The following ECHDC1 variants were observed in gnomAD, a reference collection of about 807,000 sequenced individuals.
ECHDC1 encodes the protein ethylmalonyl-CoA decarboxylase.
A neutral mutation model predicts 29.7 loss-of-function variants in ECHDC1; 29 were observed. The ratio of observed to expected loss-of-function variants is 0.98; its 90% CI spans 0.73 to 1.33. The LOEUF is 1.33. ECHDC1 is among the 40% of genes most tolerant of loss of function. ECHDC1 has a pLI of 0.00. For missense variants in ECHDC1, 328 were observed against 350.0 expected (o/e 0.94, Z 0.50); for synonymous variants, 126 against 123.1 (o/e 1.02, Z -0.15).
At position 127,334,384 on chromosome 6, in the gene ECHDC1, T is replaced by A. The variant is rs115010257; in HGVS notation, c.-2-3354A>T. Among the ~76,000 whole-genome samples, 1,397 of 152,244 alleles carry A rather than the reference T, an allele frequency of 9.2e-3. 14 individuals are homozygous for A. The highest frequency in any genetic ancestry group is 0.03 in the African/African-American group (1,256 of 41,538). On this transcript the variant is annotated intron_variant, in intron 1 of 5. Transcript: ENST00000454859. ...GTATGCAATGGCCCTCCAAAATGGTTACTTCCTTCTGATCTTTCCCTCTCC... is the reference window on the plus strand; with the variant it reads ...GTATGCAATGGCCCTCCAAAATGGTAACTTCCTTCTGATCTTTCCCTCTCC...
chr6:127,316,139 T>G, intron 4 of ECHDC1: 2 of 475,566 alleles, frequency 4.2e-6, no homozygotes, highest in Admixed American at 4.8e-5. Context: ...GTCTTTATTA[T>G]TCTGCTCTAA....
intron 5 of ECHDC1, among the ~76,000 whole-genome samples, chr6:127,290,967 G>A (rs953070427): frequency 9.9e-5 from 15 of 152,090 alleles, no homozygotes; most frequent in African/African-American, 3.6e-4. Context: ...TATTTGAGCA[G>A]CCACCTGAGG....
At chr6:127,337,501 A>C (rs1391887936) in intron 1 of ECHDC1, among the ~76,000 whole-genome samples, 2 of 152,206 alleles carry the variant, frequency 1.3e-5, no homozygotes, top group Non-Finnish European at 2.9e-5. Flanking sequence ...CCCCGCTTTA[A>C]GTTGTCCCTC....
chr6:127,314,981 G>T (rs2114617626), intron 4 of ECHDC1, 85 bp from the exon 5 acceptor site: 1 of 1,303,168 alleles, frequency 7.7e-7, no homozygotes, highest in East Asian at 2.5e-5. Context: ...ATCTTAAAAT[G>T]CAGTGGAAAC....
At chr6:127,306,205 T>C (rs1202776318) in intron 5 of ECHDC1, among the ~76,000 whole-genome samples, 13 of 152,106 alleles carry the variant, frequency 8.5e-5, no homozygotes, top group Admixed American at 8.5e-4. Flanking sequence ...TAAGAAGAGA[T>C]GAAGAAAGTC....
intron 5 of ECHDC1, among the ~76,000 whole-genome samples, chr6:127,310,128 T>C (rs1198384650): frequency 6.6e-6 from 1 of 152,030 alleles, no homozygotes; most frequent in East Asian, 1.9e-4. Context: ...GGATAGTTAA[T>C]GGGTACAAAA....
At chr6:127,304,796 T>C (rs950790779) in intron 5 of ECHDC1, among the ~76,000 whole-genome samples, 8 of 152,160 alleles carry the variant, frequency 5.3e-5, no homozygotes. Context: ...GCATAACTTT[T>C]TATGGCAGAA....
chr6:127,320,144 A>T (rs1401367869), intron 3 of ECHDC1, among the ~76,000 whole-genome samples: 3 of 151,884 alleles, frequency 2.0e-5, no homozygotes, highest in Non-Finnish European at 4.4e-5. Flanking sequence ...CAGCCTTCTG[A>T]GTAGCTGGGA....
At chr6:127,334,013 T>A (rs1382348826) in intron 1 of ECHDC1, among the ~76,000 whole-genome samples, 1 of 152,180 alleles carries the variant, frequency 6.6e-6, no homozygotes, top group Non-Finnish European at 1.5e-5. Context: ...TTTTTGCCCA[T>A]TATTTCTATT....
intron 5 of ECHDC1, among the ~76,000 whole-genome samples, chr6:127,311,536 G>T (rs536308967): frequency 5.9e-5 from 9 of 151,750 alleles, no homozygotes; most frequent in Non-Finnish European, 1.0e-4. Context: ...TTAACCAGGC[G>T]TGGTGGCAGG....
At position 127,289,568 on chromosome 6, in the gene ECHDC1, T is replaced by A; in HGVS notation, c.*301A>T. The stretch of plus-strand genomic sequence containing the variant: ...CCAGGAATAGGTTTTGTATAGAAGC[T>A]CTCCTTTTAAACACTGCTCTTTGGT... On this transcript the variant is annotated 3_prime_UTR_variant, in exon 6 of 6. Coordinates refer to ENST00000454859, the MANE Select transcript of ECHDC1 (RefSeq NM_001002030.2). 1 of 247,980 alleles carries A rather than the reference T, an allele frequency of 4.0e-6. No individual in the cohort carries two copies. The highest frequency in any genetic ancestry group is 7.7e-6 in the Non-Finnish European group (1 of 129,482). 15.4% of individuals were successfully genotyped at this position (247,980 alleles called of 1,614,324 possible).
Position 127,289,977 on chromosome 6 carries a change from C to T in ECHDC1, c.798G>A (p.Glu266=). 6.2e-7 allele frequency: 1 copy of T among 1,613,704 alleles called. No individual in the cohort carries two copies. The highest frequency in any genetic ancestry group is 8.5e-7 in the Non-Finnish European group (1 of 1,179,740). ...ALKKSVCSGR[E]LYLEEALQNE... ...TCTGTAATGCTTCCTCCAAATATAG[C>T]TCTCTGCCTGAACAAACAGATTTTT... The change falls in exon 6 of 6, where the codon GAG becomes GAA. Residue 266 remains glutamate (E), a synonymous_variant. Coordinates refer to ENST00000454859, the MANE Select transcript of ECHDC1 (RefSeq NM_001002030.2).
chr6:127,338,973 T>C (rs1784675738), intron 1 of ECHDC1, among the ~76,000 whole-genome samples: 2 of 152,190 alleles, frequency 1.3e-5, no homozygotes, highest in Admixed American at 6.5e-5. Context: ...TACATTTTAC[T>C]CTCTAGGTAT....
intron 1 of ECHDC1, among the ~76,000 whole-genome samples, chr6:127,339,849 C>G (rs551501591): frequency 7.6e-4 from 115 of 151,644 alleles, no homozygotes; most frequent in African/African-American, 2.7e-3. Flanking sequence ...AAATGCAAAC[C>G]CAGGGGGTGT....
intron 5 of ECHDC1, among the ~76,000 whole-genome samples, chr6:127,292,316 C>T (rs922565110): frequency 1.5e-4 from 23 of 152,000 alleles, no homozygotes; most frequent in African/African-American, 5.6e-4. Context: ...GAATTATTTG[C>T]TTCTAAAGAA....
intron 5 of ECHDC1, among the ~76,000 whole-genome samples, chr6:127,290,776 A>C (rs1469088085): frequency 2.0e-5 from 3 of 152,102 alleles, no homozygotes; most frequent in African/African-American, 7.2e-5. Flanking sequence ...GGAATGACCA[A>C]AACAAAACCC....
At chr6:127,316,621 A>G in intron 3 of ECHDC1, 119 bp from the exon 4 acceptor site, 1 of 750,342 alleles carries the variant, frequency 1.3e-6, no homozygotes, top group South Asian at 1.9e-5. Flanking sequence ...AAACAATGAC[A>G]TTTCCATTTA....
At chr6:127,306,986 C>A (rs77952725) in intron 5 of ECHDC1, among the ~76,000 whole-genome samples, 2,436 of 152,160 alleles carry the variant, frequency 0.016, 44 homozygotes, top group Middle Eastern at 0.054. Flanking sequence ...TCTGTGATCA[C>A]AATGGAAACT....
intron 5 of ECHDC1, among the ~76,000 whole-genome samples, chr6:127,307,648 G>GAAAAAAAAA (rs71024770): frequency 2.1e-5 from 1 of 48,656 alleles, no homozygotes; most frequent in African/African-American, 6.6e-5. Context: ...CTCTGTCTCA[G>GAAAAAAAAA]AAAAAAAAAA....
Sources: allele counts gnomAD v4.1 joint callset (sites outside exome capture counted in the v4.1 genomes callset), GRCh38; gene constraint gnomAD v4.1.1; transcripts MANE v1.5; gene names NCBI Gene and HGNC (gene_info 2026-07-23, HGNC 2026-07-21).